The following BMP1 variants were observed in gnomAD, a reference collection of about 807,000 sequenced individuals.
BMP1 encodes bone morphogenetic protein 1.
BMP1 carries 63 observed loss-of-function variants against 116.8 expected under a neutral mutation model. The observed-to-expected ratio is 0.54, with a 90% confidence interval of 0.44 to 0.67. BMP1 has a LOEUF of 0.67. Ranked by LOEUF, BMP1 falls within the 30% of genes least tolerant of loss-of-function variation. The pLI is 0.00. For synonymous variants in BMP1, 536 were observed against 533.4 expected, an observed-to-expected ratio of 1.00 and a Z score of -0.07; for missense variants, 1,183 against 1,358.9, an observed-to-expected ratio of 0.87 and a Z score of 2.04.
In BMP1 at chr8:22,194,457, G is replaced by T. The variant is rs1190159845; in HGVS notation, c.1310G>T (p.Gly437Val). The change falls in exon 11 of 20, where the codon GGT becomes GTT. Residue 437 changes from glycine (G) to valine (V), a missense_variant. Transcript: ENST00000306385. The surrounding 1 kb of genome is among the most constrained non-coding windows in gnomAD (Gnocchi z 4.5). ...FFAVYEAICG[G>V]DVKKDYGHIQ... ...TGTGTCCCCACAGCCATCTGCGGGGGTGATGTGAAAAAGGACTATGGCCAC... is the reference window on the plus strand; with the variant it reads ...TGTGTCCCCACAGCCATCTGCGGGGTTGATGTGAAAAAGGACTATGGCCAC... 6.2e-7 allele frequency: 1 copy of T among 1,613,988 alleles called. No individual in the cohort carries two copies. The highest frequency in any genetic ancestry group is 8.5e-7 in the Non-Finnish European group (1 of 1,180,016).
At chr8:22,184,725 T>G (rs1423125794) in intron 8 of BMP1, among the ~76,000 whole-genome samples, 1 of 152,234 alleles carries the variant, frequency 6.6e-6, no homozygotes, top group Non-Finnish European at 1.5e-5. Flanking sequence ...TTATCCCTAC[T>G]GTACAGCCAA....
In BMP1 at chr8:22,196,810, G is replaced by T. The variant is rs1439390692; in HGVS notation, c.1896G>T (p.Gln632His). The T allele has an allele frequency of 6.2e-7, 1 of 1,614,070 alleles. No individual in the cohort carries two copies. Among genetic ancestry groups the T allele is most frequent in the Middle Eastern group, 1.7e-4 (1 of 6,058 alleles). ...VAPTQYRISL[Q>H]FDFFETEGND... ...CCACCCAGTACCGCATCTCCCTGCA[G>T]TTTGACTTCTTTGAGACAGAGGGCA... Residue 632 changes from glutamine to histidine, a missense_variant, in exon 14 of 20, where the codon CAG becomes CAT. Physicochemically the swap from Gln to His is conservative, Grantham distance 24. Coordinates refer to ENST00000306385, the MANE Select transcript of BMP1 (RefSeq NM_006129.5).
At chr8:22,188,690 C>T (rs1169800790) in intron 8 of BMP1, among the ~76,000 whole-genome samples, 3 of 152,212 alleles carry the variant, frequency 2.0e-5, no homozygotes, top group Non-Finnish European at 2.9e-5. Context: ...TGTAGGATGC[C>T]TCTCTTGGCC....
chr8:22,186,165 T>G (rs893323915), intron 8 of BMP1, among the ~76,000 whole-genome samples: 4 of 152,078 alleles, frequency 2.6e-5, no homozygotes, highest in African/African-American at 9.7e-5. Context: ...CTTCCCCGAC[T>G]TCCACATCCC....
At chr8:22,177,236 C>T (rs1828471998) in intron 5 of BMP1, 97 bp downstream of exon 5, 1 of 1,295,248 alleles carries the variant, frequency 7.7e-7, no homozygotes, top group East Asian at 2.5e-5. Context: ...CTCCAGCCAG[C>T]CGTCATCGCC....
At chr8:22,206,677 T>C (rs563873997) in intron 16 of BMP1, among the ~76,000 whole-genome samples, 177 bp from the exon 17 acceptor site, 148 of 151,954 alleles carry the variant, frequency 9.7e-4, no homozygotes, top group Non-Finnish European at 2.0e-3. Context: ...GGCAGCTAGA[T>C]TTTCCCCAGA....
rs559005771 is a variant in BMP1 at position 22,205,117 on chromosome 8, A to G, written c.2234-1737A>G. On this transcript the variant is annotated intron_variant, in intron 16 of 19. Coordinates refer to ENST00000306385, the MANE Select transcript of BMP1 (RefSeq NM_006129.5). ...TAGGTGGGTTTGCAGGTCGGAGTCC[A>G]GAGGTTGAAGCCATTCATGGTGGAA... Among the ~76,000 whole-genome samples the G allele has an allele frequency of 4.2e-4, 64 of 152,282 alleles. 1 individual carries two copies. The highest frequency in any genetic ancestry group is 1.5e-3 in the African/African-American group (62 of 41,562).
Position 22,194,799 on chromosome 8 carries a change from G to A in BMP1, c.1519G>A (p.Gly507Arg), listed in dbSNP as rs768570264. The change falls in exon 12 of 20, where the codon GGG becomes AGG. Residue 507 changes from glycine (G) to arginine (R), a missense_variant. Coordinates refer to ENST00000306385, the MANE Select transcript of BMP1 (RefSeq NM_006129.5). This position sits in a 1 kb window ranked among gnomAD's most constrained non-coding sequence, Gnocchi z 4.5. ...DGHSESSTLI[G>R]RYCGYEKPDD... ...GCACAGTGAGAGCAGCACCCTCATC[G>A]GGCGCTACTGTGGCTATGAGAAGCC... 3.7e-6 allele frequency: 6 copies of A among 1,613,968 alleles called. No individual in the cohort carries two copies. The highest frequency in any genetic ancestry group is 1.1e-5 in the South Asian group (1 of 91,078).
rs77242743 is a variant in BMP1 at position 22,209,509 on chromosome 8, C to T, written c.2640C>T (p.Gly880=). 3.7e-6 allele frequency: 6 copies of T among 1,614,192 alleles called. No homozygotes were observed. Among genetic ancestry groups the T allele is most frequent in the African/African-American group, 1.3e-5 (1 of 75,046 alleles). The stretch of plus-strand genomic sequence containing the variant: ...ACCTTTACTCCCACGCCCAGTTTGG[C>T]GACAACAACTACCCTGGGGGTGTGG... The part of the protein sequence containing the change: ...TKDLYSHAQF[G]DNNYPGGVDC... Residue 880 remains glycine (G), a synonymous_variant, in exon 19 of 20, where the codon GGC becomes GGT. Coordinates refer to ENST00000306385, the MANE Select transcript of BMP1 (RefSeq NM_006129.5).
chr8:22,194,030 CA>C lies in BMP1; in HGVS notation c.1181-27del. 1 of 1,592,732 alleles carries C rather than the reference CA, an allele frequency of 6.3e-7. No individual in the cohort carries two copies. The highest frequency in any genetic ancestry group is 8.6e-7 in the Non-Finnish European group (1 of 1,160,696). On this transcript the variant is annotated intron_variant, in intron 9 of 19. Transcript: ENST00000306385. The surrounding 1 kb of genome is among the most constrained non-coding windows in gnomAD (Gnocchi z 4.5). ...TATAGGGGGTGTCCTCAGGGTTCAC[CA>C]CTCTTCCATCCACACTGTCTGTGCA...
At chr8:22,199,354 C>A in intron 15 of BMP1, 2 of 1,319,110 alleles carry the variant, frequency 1.5e-6, no homozygotes, top group Non-Finnish European at 1.0e-6. Flanking sequence ...CAGTCTGACC[C>A]CTGCCACCTT....
chr8:22,166,707 T>C (rs967317407), intron 1 of BMP1, among the ~76,000 whole-genome samples: 1 of 152,186 alleles, frequency 6.6e-6, no homozygotes, highest in African/African-American at 2.4e-5. Context: ...TCAGGGACTC[T>C]CCTGGGAGGG....
intron 16 of BMP1, 74 bp from the exon 17 acceptor site, chr8:22,206,780 A>C: frequency 6.3e-7 from 1 of 1,590,850 alleles, no homozygotes; most frequent in South Asian, 1.1e-5. Flanking sequence ...GGCAGGAGGG[A>C]AGGGCCTTCC....
rs78411003 is a variant in BMP1, at chr8:22,209,952, G to C, written c.2826+257G>C. Among the ~76,000 whole-genome samples the C allele has an allele frequency of 0.017, 2,559 of 152,356 alleles. 64 individuals carry two copies. The highest frequency in any genetic ancestry group is 0.058 in the African/African-American group (2,399 of 41,576). ...TTCCTGCGGCCTCTGACCCAGGCCT[G>C]CCTCAGAACCAGTTGGCCACGGCCT... On this transcript the variant is annotated intron_variant, in intron 19 of 19. Transcript: ENST00000306385.
rs1345635211 is a variant in BMP1 at position 22,179,589 on chromosome 8, T to A, written c.837-116T>A. On this transcript the variant is annotated intron_variant, in intron 6 of 19. Coordinates refer to ENST00000306385, the MANE Select transcript of BMP1 (RefSeq NM_006129.5). The surrounding 1 kb of genome is among the most constrained non-coding windows in gnomAD (Gnocchi z 4.6). ...CGACTCCACCCGGCCCTGACCCTGCTGAGGAATGTCTGAGCTCCAGCAGGG... is the reference window on the plus strand; with the variant it reads ...CGACTCCACCCGGCCCTGACCCTGCAGAGGAATGTCTGAGCTCCAGCAGGG... The A allele has an allele frequency of 6.3e-7, 1 of 1,575,284 alleles. No individual in the cohort carries two copies. The highest frequency in any genetic ancestry group is 8.6e-7 in the Non-Finnish European group (1 of 1,158,514).
chr8:22,185,828 C>CTTTTTT (rs71204540), intron 8 of BMP1, among the ~76,000 whole-genome samples: 78 of 80,946 alleles, frequency 9.6e-4, no homozygotes, highest in African/African-American at 1.9e-3. Context: ...CACTGTCTTT[C>CTTTTTT]TTTTTTTTTT....
At chr8:22,191,504 C>T (rs1301045374) in intron 8 of BMP1, among the ~76,000 whole-genome samples, 1 of 152,140 alleles carries the variant, frequency 6.6e-6, no homozygotes, top group African/African-American at 2.4e-5. Context: ...TTGGGAGGCT[C>T]AGATCGGAGG....
rs73670370 is a variant in BMP1 at position 22,181,935 on chromosome 8, T to C, written c.1077+1452T>C. On this transcript the variant is annotated intron_variant, in intron 8 of 19. Coordinates refer to ENST00000306385, the MANE Select transcript of BMP1 (RefSeq NM_006129.5). Reference sequence around the variant, plus strand: ...GCTCCAGTACTTTCCTCAAGAGCAATGCAGGATAACTCACTCCCTCTTTCC... The same window carrying C: ...GCTCCAGTACTTTCCTCAAGAGCAACGCAGGATAACTCACTCCCTCTTTCC... Among the ~76,000 whole-genome samples the C allele has an allele frequency of 7.1e-3, 1,083 of 152,262 alleles. 10 individuals carry two copies. The highest frequency in any genetic ancestry group is 0.025 in the African/African-American group (1,029 of 41,556).
intron 8 of BMP1, among the ~76,000 whole-genome samples, chr8:22,184,426 G>A (rs1294436592): frequency 6.6e-6 from 1 of 152,206 alleles, no homozygotes; most frequent in Non-Finnish European, 1.5e-5. Flanking sequence ...CTTGCCTGGA[G>A]CTGCAGAAAG....
Sources: gnomAD v4.1 joint callset for allele counts (sites outside exome capture counted in the v4.1 genomes callset) on GRCh38, gnomAD v4.1.1 for gene constraint, Gnocchi (gnomAD v3.1) non-coding constraint, MANE v1.5 for transcripts, NCBI Gene and HGNC (gene_info 2026-07-23, HGNC 2026-07-21) for gene names.